The following SGCG variants were observed in gnomAD, a reference collection of about 807,000 sequenced individuals.
SGCG encodes gamma-sarcoglycan.
A neutral mutation model predicts 29.3 loss-of-function variants in SGCG; 26 were observed. The observed-to-expected ratio is 0.89, with a 90% CI of 0.65 to 1.23. The LOEUF (loss-of-function observed/expected upper bound fraction) is 1.23, where lower values mean the gene tolerates loss of function less well. SGCG is among the 50% of genes most tolerant of loss of function. The pLI, the probability that SGCG is intolerant of heterozygous loss-of-function variation, is 0.00. For synonymous variants in SGCG, 145 were observed against 129.7 expected, an observed-to-expected ratio of 1.12 and a Z score of -0.80; for missense variants, 353 against 356.0, an observed-to-expected ratio of 0.99 and a Z score of 0.07.
At chr13:23,219,535 TA>T (rs1878573693) in intron 2 of SGCG, among the ~76,000 whole-genome samples, 1 of 152,140 alleles carries the variant, frequency 6.6e-6, no homozygotes, top group Non-Finnish European at 1.5e-5. Context: ...AAGAGGAGGA[TA>T]TTTTTTAGGT....
At chr13:23,296,821 A>G (rs1881926803) in intron 6 of SGCG, among the ~76,000 whole-genome samples, 1 of 152,178 alleles carries the variant, frequency 6.6e-6, no homozygotes, top group Non-Finnish European at 1.5e-5. Flanking sequence ...CTTTGTGTCT[A>G]TGTGTATTTT....
At chr13:23,235,702 A>G (rs1313441834) in intron 3 of SGCG, among the ~76,000 whole-genome samples, 1 of 152,210 alleles carries the variant, frequency 6.6e-6, no homozygotes, top group Non-Finnish European at 1.5e-5. Context: ...GACGCACAAA[A>G]AGTTAAAACT....
chr13:23,295,509 T>C, intron 6 of SGCG, 22 bp downstream of exon 6: 1 of 1,524,938 alleles, frequency 6.6e-7, no homozygotes, highest in Non-Finnish European at 9.1e-7. Context: ...TGTTCAAATA[T>C]TAACAACCTC....
chr13:23,201,577 G>A (rs560719253), intron 1 of SGCG, among the ~76,000 whole-genome samples: 2 of 152,178 alleles, frequency 1.3e-5, no homozygotes, highest in South Asian at 2.1e-4. Flanking sequence ...GGCAAGCAAC[G>A]TCTCCCCTCC....
upstream of SGCG, among the ~76,000 whole-genome samples, chr13:23,179,657 G>T (rs12100151): frequency 0.018 from 2,766 of 152,250 alleles, 89 homozygotes; most frequent in African/African-American, 0.064. Flanking sequence ...AATGTGCAGA[G>T]AATTCATGAA....
At chr13:23,193,892 G>A (rs1232224981) in intron 1 of SGCG, among the ~76,000 whole-genome samples, 1 of 152,072 alleles carries the variant, frequency 6.6e-6, no homozygotes, top group Non-Finnish European at 1.5e-5. Context: ...AGAGGCCAGA[G>A]AAAAAGAGAA....
chr13:23,300,158 T>A (rs1448611501), intron 6 of SGCG, among the ~76,000 whole-genome samples: 1 of 152,226 alleles, frequency 6.6e-6, no homozygotes, highest in Non-Finnish European at 1.5e-5. Flanking sequence ...TTCATCTACT[T>A]ATCTAAGGAA....
At chr13:23,166,970 G>A in the SGCG span, among the ~76,000 whole-genome samples, 26 of 152,086 alleles carry the variant, frequency 1.7e-4, no homozygotes, top group East Asian at 4.8e-3. Flanking sequence ...ATTGACTATA[G>A]TCATCCTGTT....
At chr13:23,299,417 TA>T (rs1882036149) in intron 6 of SGCG, among the ~76,000 whole-genome samples, 1 of 4,640 alleles carries the variant, frequency 2.2e-4, no homozygotes, top group Non-Finnish European at 4.0e-4. Context: ...CATATATATA[TA>T]TATATATATA....
At chr13:23,277,566 C>T (rs959959780) in intron 4 of SGCG, among the ~76,000 whole-genome samples, 5 of 151,912 alleles carry the variant, frequency 3.3e-5, no homozygotes, top group Non-Finnish European at 7.4e-5. Context: ...ATGTCCAAAA[C>T]GGATCAATGC....
intron 6 of SGCG, among the ~76,000 whole-genome samples, chr13:23,313,393 G>T (rs973936231): frequency 6.6e-6 from 1 of 152,064 alleles, no homozygotes; most frequent in Admixed American, 6.5e-5. Flanking sequence ...TCAAACTCCT[G>T]ACCTCAATTG....
At chr13:23,203,607 C>T (rs979763324) in intron 1 of SGCG, 88 bp from the exon 2 acceptor site, 2 of 889,234 alleles carry the variant, frequency 2.2e-6, no homozygotes, top group Non-Finnish European at 3.7e-6. Context: ...TGTTTTCAGG[C>T]TCATAGTAAA....
intron 2 of SGCG, among the ~76,000 whole-genome samples, chr13:23,228,438 T>TA (rs1878983298): frequency 6.6e-6 from 1 of 151,988 alleles, no homozygotes; most frequent in Non-Finnish European, 1.5e-5. Flanking sequence ...CCTACTTTTT[T>TA]TCTTTTTAAA....
At chr13:23,277,413 TAA>T (rs66499459) in intron 4 of SGCG, among the ~76,000 whole-genome samples, 9 of 148,176 alleles carry the variant, frequency 6.1e-5, no homozygotes, top group East Asian at 2.0e-4. Context: ...GTGAAGCTTT[TAA>T]AAAAAAAAAG....
chr13:23,263,564 A>G (rs1396210852), intron 4 of SGCG, among the ~76,000 whole-genome samples: 4 of 151,632 alleles, frequency 2.6e-5, no homozygotes, highest in Non-Finnish European at 4.4e-5. Context: ...GGAGAAAGAA[A>G]TCCTCCCTAA....
chr13:23,177,386 A>G (rs1447748174), upstream of SGCG, among the ~76,000 whole-genome samples: 1 of 152,180 alleles, frequency 6.6e-6, no homozygotes, highest in African/African-American at 2.4e-5. Context: ...TAAAGAAATT[A>G]TAAATGTTTG....
At chr13:23,292,863 G>A (rs1236273948) in intron 5 of SGCG, among the ~76,000 whole-genome samples, 2 of 152,140 alleles carry the variant, frequency 1.3e-5, no homozygotes, top group Non-Finnish European at 2.9e-5. Context: ...ATAAAATTAA[G>A]CATAGCTCTG....
chr13:23,299,360 A>G (rs1381453147), intron 6 of SGCG, among the ~76,000 whole-genome samples: 1 of 136,326 alleles, frequency 7.3e-6, no homozygotes, highest in African/African-American at 2.9e-5. Context: ...CAGCATTACT[A>G]TTCCTGGCCT....
At chr13:23,252,269 A>G (rs1879995699) in intron 4 of SGCG, among the ~76,000 whole-genome samples, 1 of 152,198 alleles carries the variant, frequency 6.6e-6, no homozygotes, top group African/African-American at 2.4e-5. Context: ...ATTTTTTCTC[A>G]TTCATTCCAA....
Sources: gnomAD v4.1 joint callset for allele counts (sites outside exome capture counted in the v4.1 genomes callset) on GRCh38, gnomAD v4.1.1 for gene constraint, MANE v1.5 for transcripts, NCBI Gene and HGNC (gene_info 2026-07-23, HGNC 2026-07-21) for gene names.